Variants in PPM1L observed in about 807,000 individuals in gnomAD.
PPM1L encodes protein phosphatase 1L.
In PPM1L, 13 loss-of-function variants were observed where a neutral mutation model predicts 31.4. That is an observed-to-expected ratio of 0.41 (90% confidence interval 0.27 to 0.66). PPM1L has a LOEUF of 0.66. Ranked by LOEUF, PPM1L falls within the 30% of genes least tolerant of loss-of-function variation. The pLI is 0.29. For missense variants in PPM1L, 326 were observed against 453.7 expected (o/e 0.72, Z 2.56); for synonymous variants, 184 against 175.4 (o/e 1.05, Z -0.39).
intron 1 of PPM1L, among the ~76,000 whole-genome samples, chr3:160,820,274 T>G: frequency 1.3e-5 from 2 of 152,062 alleles, no homozygotes; most frequent in Admixed American, 1.3e-4. Flanking sequence ...GATGAAATCA[T>G]CCTTGGTTTA....
intron 2 of PPM1L, among the ~76,000 whole-genome samples, chr3:161,006,793 C>T (rs1717725465): frequency 1.3e-5 from 2 of 151,646 alleles, no homozygotes; most frequent in South Asian, 4.2e-4. Context: ...CGCCATTCTC[C>T]TGCCTCAGCC....
intron 1 of PPM1L, among the ~76,000 whole-genome samples, chr3:160,944,991 A>ATATAT (rs376411027): frequency 0.25 from 5,430 of 22,002 alleles, 1,383 homozygotes; most frequent in Non-Finnish European, 0.29. Flanking sequence ...TATATATAAC[A>ATATAT]TATATATAAC....
intron 2 of PPM1L, among the ~76,000 whole-genome samples, chr3:160,984,347 TGCCCA>T (rs1404822739): frequency 2.0e-5 from 3 of 152,226 alleles, no homozygotes; most frequent in Admixed American, 6.5e-5. Context: ...GGCTCTGTCC[TGCCCA>T]GCCCACAGGC....
Position 161,077,462 on chromosome 3 carries a change from A to C in PPM1L, c.*8305A>C, listed in dbSNP as rs1443300331. On this transcript the variant is annotated 3_prime_UTR_variant, in exon 4 of 4. Coordinates refer to ENST00000498165, the MANE Select transcript of PPM1L (RefSeq NM_139245.4). Reference sequence around the variant, plus strand: ...GGCTGGTGAAAGCCAGGTTGTCCAGATCTTTCTAGGGGAAGAGAAGGATTA... The same window carrying C: ...GGCTGGTGAAAGCCAGGTTGTCCAGCTCTTTCTAGGGGAAGAGAAGGATTA... 6.6e-6 allele frequency: 1 copy of C among 152,248 alleles called. No homozygotes were observed. The highest frequency in any genetic ancestry group is 6.5e-5 in the Admixed American group (1 of 15,280). The allele number at this position is 152,248 out of a possible 1,614,324, so 9.4% of individuals were successfully genotyped here.
At chr3:160,823,998 G>A (rs991631660) in intron 1 of PPM1L, among the ~76,000 whole-genome samples, 48 of 152,096 alleles carry the variant, frequency 3.2e-4, no homozygotes, top group African/African-American at 1.1e-3. Flanking sequence ...TCGAGACAAA[G>A]TTCTCACTGA....
intron 1 of PPM1L, among the ~76,000 whole-genome samples, chr3:160,888,768 T>G (rs780151921): frequency 5.5e-4 from 83 of 152,224 alleles, no homozygotes; most frequent in Admixed American, 1.2e-3. Context: ...ATCTACCACA[T>G]AAGTAAAACA....
chr3:160,984,281 T>C (rs1716895232), intron 2 of PPM1L, among the ~76,000 whole-genome samples: 1 of 152,142 alleles, frequency 6.6e-6, no homozygotes, highest in Admixed American at 6.5e-5. Context: ...TATTCCTTAC[T>C]GGGGAAAGAA....
intron 1 of PPM1L, among the ~76,000 whole-genome samples, chr3:160,919,910 G>A (rs1208517700): frequency 6.6e-6 from 1 of 152,060 alleles, no homozygotes. Flanking sequence ...TGCTGGTGAG[G>A]TATCTGATGT....
chr3:160,928,718 T>C (rs937009434), intron 1 of PPM1L, among the ~76,000 whole-genome samples: 1 of 152,174 alleles, frequency 6.6e-6, no homozygotes, highest in African/African-American at 2.4e-5. Context: ...ATAAGAGGGC[T>C]GGAGGGAACT....
Position 160,840,011 on chromosome 3 carries a change from A to G in PPM1L, c.399+83304A>G, listed in dbSNP as rs556090117. Among the ~76,000 whole-genome samples the G allele has an allele frequency of 5.3e-5, 8 of 152,338 alleles. No individual in the cohort carries two copies. In the South Asian group the frequency reaches 1.7e-3, roughly 32 times the overall value. On this transcript the variant is annotated intron_variant, in intron 1 of 3. Coordinates refer to ENST00000498165, the MANE Select transcript of PPM1L (RefSeq NM_139245.4). ...GAGGGATAGCCCCATGGAAGTGTTA[A>G]TAGGATTTCAGATAATTTTGGGAAA... is the stretch of plus-strand genomic sequence containing the variant.
chr3:161,024,849 T>A (rs1244884009), intron 2 of PPM1L, among the ~76,000 whole-genome samples: 1 of 152,210 alleles, frequency 6.6e-6, no homozygotes, highest in African/African-American at 2.4e-5. Flanking sequence ...CTGCTAATTT[T>A]CACAACCACT....
intron 1 of PPM1L, among the ~76,000 whole-genome samples, chr3:160,960,558 TTGTGTGTGTG>T (rs59297068): frequency 0.32 from 46,974 of 145,302 alleles, 7,901 homozygotes; most frequent in East Asian, 0.62. Context: ...TTTAGCAGTT[TTGTGTGTGTG>T]TGTGTGTGTG....
chr3:160,959,321 A>G (rs969864280), intron 1 of PPM1L, among the ~76,000 whole-genome samples: 1 of 152,174 alleles, frequency 6.6e-6, no homozygotes, highest in Non-Finnish European at 1.5e-5. Context: ...GGGATGAGGG[A>G]TAAAAGACTA....
At position 161,068,842 on chromosome 3, in the gene PPM1L, G is replaced by A. The variant is rs367800389; in HGVS notation, c.768G>A (p.Arg256=). 7.4e-6 allele frequency: 12 copies of A among 1,613,628 alleles called. No homozygotes were observed. The highest frequency in any genetic ancestry group is 2.7e-5 in the African/African-American group (2 of 74,856). The change falls in exon 4 of 4, where the codon AGG becomes AGA. Residue 256 remains arginine (R), a synonymous_variant. Transcript: ENST00000498165. The part of the protein sequence containing the change: ...GGFISFNGSW[R]VQGILAMSRS... Reference sequence around the variant, plus strand: ...TCATCAGTTTCAATGGCTCCTGGAGGGTCCAGGGAATCCTGGCCATGTCTC... The same window carrying A: ...TCATCAGTTTCAATGGCTCCTGGAGAGTCCAGGGAATCCTGGCCATGTCTC...
At chr3:160,813,955 C>T (rs1239111068) in intron 1 of PPM1L, among the ~76,000 whole-genome samples, 2 of 152,106 alleles carry the variant, frequency 1.3e-5, no homozygotes, top group Admixed American at 1.3e-4. Flanking sequence ...AAGTAAAATG[C>T]ACCAATGGTA....
chr3:161,063,046 C>CA (rs1273736277), intron 2 of PPM1L, among the ~76,000 whole-genome samples: 1 of 152,140 alleles, frequency 6.6e-6, no homozygotes, highest in East Asian at 1.9e-4. Flanking sequence ...GTAATGCCTA[C>CA]AAGCCATGTA....
At chr3:160,999,619 A>T (rs1717420924) in intron 2 of PPM1L, among the ~76,000 whole-genome samples, 1 of 152,196 alleles carries the variant, frequency 6.6e-6, no homozygotes, top group East Asian at 1.9e-4. Flanking sequence ...CAATGCAACC[A>T]CTTTAATGCT....
chr3:160,960,428 C>T (rs922798872), intron 1 of PPM1L, among the ~76,000 whole-genome samples: 8 of 152,090 alleles, frequency 5.3e-5, no homozygotes, highest in Non-Finnish European at 1.0e-4. Flanking sequence ...TAACCATAGT[C>T]ACCCTACTGT....
intron 2 of PPM1L, among the ~76,000 whole-genome samples, chr3:160,990,068 C>T (rs1227461073): frequency 6.6e-6 from 1 of 152,146 alleles, no homozygotes; most frequent in Non-Finnish European, 1.5e-5. Flanking sequence ...GAACACAGCT[C>T]ACTGCAGCCT....
Sources: gnomAD v4.1 joint callset for allele counts (sites outside exome capture counted in the v4.1 genomes callset) on GRCh38, gnomAD v4.1.1 for gene constraint, MANE v1.5 for transcripts, NCBI Gene and HGNC (gene_info 2026-07-23, HGNC 2026-07-21) for gene names.